KRT222: variants seen among roughly 807,000 people sequenced by gnomAD.
KRT222 encodes the protein keratin-like protein KRT222.
In KRT222, 23 loss-of-function variants were observed where a neutral mutation model predicts 35.0. That is an observed-to-expected ratio of 0.66 (90% CI 0.47 to 0.93). KRT222 has a LOEUF of 0.93. Ranked by LOEUF, KRT222 falls within the 40% of genes least tolerant of loss-of-function variation. KRT222 has a pLI of 0.00. For missense variants in KRT222, 339 were observed against 346.3 expected (o/e 0.98, Z 0.17); for synonymous variants, 108 against 118.8 (o/e 0.91, Z 0.59).
Position 40,656,222 on chromosome 17 carries a change from C to T in KRT222, c.*180G>A. On this transcript the variant is annotated 3_prime_UTR_variant, in exon 6 of 6. Transcript: ENST00000394052. ...TTCATATATATATATATATGTCTATCTCCATAATTAGATTCAGAGAAATGT... is the reference window on the plus strand; with the variant it reads ...TTCATATATATATATATATGTCTATTTCCATAATTAGATTCAGAGAAATGT... 1 of 551,534 alleles carries T rather than the reference C, an allele frequency of 1.8e-6. No homozygotes were observed. The highest frequency in any genetic ancestry group is 2.6e-5 in the South Asian group (1 of 38,442). The allele number at this position is 551,534 out of a possible 1,614,324, so 34.2% of individuals were successfully genotyped here.
chr17:40,661,746 C>T lies in KRT222; in HGVS notation c.225+170G>A, dbSNP rs2037385138. Among the ~76,000 whole-genome samples the T allele has an allele frequency of 2.0e-5, 3 of 152,214 alleles. No homozygotes were observed. In the South Asian group the frequency reaches 6.2e-4, roughly 31 times the overall value. On this transcript the variant is annotated intron_variant, in intron 2 of 5. Coordinates refer to ENST00000394052, the MANE Select transcript of KRT222 (RefSeq NM_152349.3). ...ACCTTGAGTGAGTTGGTAACAGCCACTGCCACAATGGAGGGAGGGGTGAGT... is the reference window on the plus strand; with the variant it reads ...ACCTTGAGTGAGTTGGTAACAGCCATTGCCACAATGGAGGGAGGGGTGAGT...
chr17:40,662,237 T>A (rs2037388650), intron 1 of KRT222, 193 bp from the exon 2 acceptor site: 3 of 540,330 alleles, frequency 5.6e-6, no homozygotes, highest in Non-Finnish European at 9.4e-6. Flanking sequence ...TCTTAGCCCG[T>A]TTTCTCCTAT....
rs776789479 is a variant in KRT222, at chr17:40,656,524, C to T, written c.766G>A (p.Ala256Thr). 6.2e-7 allele frequency: 1 copy of T among 1,613,032 alleles called. No homozygotes were observed. The highest frequency in any genetic ancestry group is 8.5e-7 in the Non-Finnish European group (1 of 1,179,134). ...TCTAAACACCCTTCATCAGTGGCTGCTAAATGAAGATCAAATCGAAGAGAA... is the reference window on the plus strand; with the variant it reads ...TCTAAACACCCTTCATCAGTGGCTGTTAAATGAAGATCAAATCGAAGAGAA... ...SVSLRFDLHL[A>T]ATDEGCLETK... Residue 256 changes from alanine to threonine, a missense_variant, in exon 6 of 6, where the codon GCA (alanine) becomes ACA (threonine). Ala to Thr is a moderately conservative substitution (Grantham distance 58). Transcript: ENST00000394052.
chr17:40,661,932 T>C lies in KRT222; in HGVS notation c.209A>G (p.Glu70Gly), dbSNP rs746844798. The C allele has an allele frequency of 6.2e-7, 1 of 1,614,200 alleles. No individual in the cohort carries two copies. Among genetic ancestry groups the C allele is most frequent in the Non-Finnish European group, 8.5e-7 (1 of 1,180,026 alleles). ...RQWHHLQVEI[E>G]SLHAVERGLE... Reference sequence around the variant, plus strand: ...CATTCTCACCACAGCATGGAGAGATTCAATTTCCACTTGCAGGTGGTGCCA... The same window carrying C: ...CATTCTCACCACAGCATGGAGAGATCCAATTTCCACTTGCAGGTGGTGCCA... Residue 70 changes from glutamate to glycine, a missense_variant, in exon 2 of 6, where the codon GAA becomes GGA. Physicochemically the swap from Glu to Gly is moderately conservative, Grantham distance 98. Transcript: ENST00000394052.
intron 1 of KRT222, 83 bp downstream of exon 1, chr17:40,664,921 C>T (rs1327079853): frequency 2.1e-5 from 33 of 1,601,588 alleles, no homozygotes; most frequent in Non-Finnish European, 2.8e-5. Flanking sequence ...AAATACTGTA[C>T]CTCAGAGAGG....
Position 40,660,037 on chromosome 17 carries a change from C to T in KRT222, c.396G>A (p.Leu132=), listed in dbSNP as rs765435302. 1.2e-6 allele frequency: 2 copies of T among 1,613,932 alleles called. No individual in the cohort carries two copies. The highest frequency in any genetic ancestry group is 1.3e-5 in the African/African-American group (1 of 74,882). Residue 132 remains leucine (L), a synonymous_variant, in exon 3 of 6, where the codon CTG becomes CTA. Transcript: ENST00000394052. ...GGCGATAAGTTGCTATTTCTTGTTCCAGCCTCATCTTCGTGTTGAGAAGCA... is the reference window on the plus strand; with the variant it reads ...GGCGATAAGTTGCTATTTCTTGTTCTAGCCTCATCTTCGTGTTGAGAAGCA... ...HEMLLNTKMR[L]EQEIATYRHL...
In KRT222 at chr17:40,659,976, G is replaced by T; in HGVS notation, c.446+11C>A. 1 of 1,607,582 alleles carries T rather than the reference G, an allele frequency of 6.2e-7. No individual in the cohort carries two copies. The highest frequency in any genetic ancestry group is 1.1e-5 in the South Asian group (1 of 90,940). The stretch of plus-strand genomic sequence containing the variant: ...CTGGCCCCTTGTCATTAACTAAATG[G>T]ATTTAGGTACCTGATTTCTTCTTTT... On this transcript the variant is annotated intron_variant, in intron 3 of 5. Transcript: ENST00000394052.
In KRT222 at chr17:40,657,381, C is replaced by T. The variant is rs1332796273; in HGVS notation, c.630G>A (p.Lys210=). 6.2e-7 allele frequency: 1 copy of T among 1,609,414 alleles called. No individual in the cohort carries two copies. Among genetic ancestry groups the T allele is most frequent in the Non-Finnish European group, 8.5e-7 (1 of 1,178,178 alleles). Residue 210 remains lysine (K), a synonymous_variant, in exon 5 of 6, where the codon AAG becomes AAA. Coordinates refer to ENST00000394052, the MANE Select transcript of KRT222 (RefSeq NM_152349.3). ...KQAILNGSIV[K]ESTEAHGTIQ... ...TAGTGCCATGAGCTTCAGTGCTCTCCTTAACGATACTCCCATTTAAGATTG... is the reference window on the plus strand; with the variant it reads ...TAGTGCCATGAGCTTCAGTGCTCTCTTTAACGATACTCCCATTTAAGATTG...
At chr17:40,661,768 G>A in intron 2 of KRT222, 148 bp downstream of exon 2, 2 of 954,818 alleles carry the variant, frequency 2.1e-6, no homozygotes, top group South Asian at 1.8e-5. Context: ...AGGGAGGGGT[G>A]AGTAATTAAA....
chr17:40,661,637 G>A (rs1357919077), intron 2 of KRT222, among the ~76,000 whole-genome samples: 2 of 152,118 alleles, frequency 1.3e-5, no homozygotes, highest in Non-Finnish European at 2.9e-5. Flanking sequence ...GGATAATAAC[G>A]AATGCTCTAT....
Position 40,655,104 on chromosome 17 carries a change from G to A in KRT222, c.*1298C>T, listed in dbSNP as rs1277518980. On this transcript the variant is annotated 3_prime_UTR_variant, in exon 6 of 6. Coordinates refer to ENST00000394052, the MANE Select transcript of KRT222 (RefSeq NM_152349.3). Reference sequence around the variant, plus strand: ...ATATGGAGAGAGAGATAGAGGAGAAGAGAGAGGAGAGAGAGAGAGAAATAT... The same window carrying A: ...ATATGGAGAGAGAGATAGAGGAGAAAAGAGAGGAGAGAGAGAGAGAAATAT... The A allele has an allele frequency of 6.7e-6, 1 of 148,162 alleles. No homozygotes were observed. The highest frequency in any genetic ancestry group is 2.5e-5 in the African/African-American group (1 of 40,658). 9.2% of individuals were successfully genotyped at this position (148,162 alleles called of 1,614,324 possible). A position where few individuals can be genotyped will look rare whatever the true frequency, so the allele number is the denominator to read the frequency against.
At chr17:40,657,173 C>T (rs2037350594) in intron 5 of KRT222, 179 bp downstream of exon 5, 1 of 377,458 alleles carries the variant, frequency 2.6e-6, no homozygotes. Flanking sequence ...GATCGCGCCA[C>T]TGCACTCCAC....
chr17:40,659,219 A>G (rs1597757153), intron 3 of KRT222, among the ~76,000 whole-genome samples: 1 of 149,078 alleles, frequency 6.7e-6, no homozygotes, highest in East Asian at 2.0e-4. Context: ...GCAGTGGCGC[A>G]GTCTCGGCTC....
chr17:40,665,096 C>G lies in KRT222; in HGVS notation c.4G>C (p.Glu2Gln). 1 of 1,613,742 alleles carries G rather than the reference C, an allele frequency of 6.2e-7. No homozygotes were observed. The part of the protein sequence containing the change: M[E>Q]LSQLLNEIRA... ...ATCTCATTGAGTAGCTGGGACAGTT[C>G]CATTCTTTTCCCATCCTCCACCTTG... Residue 2 changes from glutamate to glutamine, a missense_variant, in exon 1 of 6, where the codon GAA becomes CAA. Transcript: ENST00000394052.
chr17:40,657,647 AT>A lies in KRT222; in HGVS notation c.523+26del, dbSNP rs774449200. 3.2e-6 allele frequency: 5 copies of A among 1,586,296 alleles called. No homozygotes were observed. In the Admixed American group the frequency reaches 5.1e-5, roughly 16 times the overall value. ...CTGTAAATAGTACATCACTTTTCAA[AT>A]GAGTTTATTTATGTCAGAAACTCAC... On this transcript the variant is annotated intron_variant, in intron 4 of 5. Transcript: ENST00000394052.
rs1042434529 is a variant in KRT222 at position 40,654,860 on chromosome 17, A to T, written c.*1542T>A. On this transcript the variant is annotated 3_prime_UTR_variant, in exon 6 of 6. Transcript: ENST00000394052. ...AAGAATAAGCACTTAACATGCTGTT[A>T]TATCCTTGACAAAACAAAATCATCC... is the stretch of plus-strand genomic sequence containing the variant. The T allele has an allele frequency of 6.6e-6, 1 of 151,804 alleles. No homozygotes were observed. The highest frequency in any genetic ancestry group is 1.5e-5 in the Non-Finnish European group (1 of 67,928). The allele number at this position is 151,804 out of a possible 1,614,324, so 9.4% of individuals were successfully genotyped here.
intron 1 of KRT222, among the ~76,000 whole-genome samples, chr17:40,663,099 C>A (rs2037395866): frequency 2.0e-5 from 3 of 152,122 alleles, no homozygotes; most frequent in Admixed American, 2.0e-4. Context: ...GCAACACCTA[C>A]CAGAGCAACT....
chr17:40,664,952 A>G (rs954867986), intron 1 of KRT222, 52 bp downstream of exon 1: 3 of 1,612,294 alleles, frequency 1.9e-6, no homozygotes, highest in African/African-American at 2.7e-5. Context: ...AATTGGGTAG[A>G]CATGGACTGT....
rs2037371863 is a variant in KRT222, at chr17:40,660,082, C to T, written c.351G>A (p.Lys117=). Residue 117 remains lysine (K), a synonymous_variant, in exon 3 of 6, where the codon AAG becomes AAA. Transcript: ENST00000394052. The part of the protein sequence containing the change: ...ELQEVRRGIE[K]QLQEHEMLLN... ...GAAGCATCTCGTGCTCTTGAAGCTGCTTTTCGATGCCGCGCCTTACTTCCT... is the reference window on the plus strand; with the variant it reads ...GAAGCATCTCGTGCTCTTGAAGCTGTTTTTCGATGCCGCGCCTTACTTCCT... 1.2e-6 allele frequency: 2 copies of T among 1,613,998 alleles called. No homozygotes were observed. The highest frequency in any genetic ancestry group is 3.3e-5 in the Admixed American group (2 of 59,998).
Sources: allele counts gnomAD v4.1 joint callset (sites outside exome capture counted in the v4.1 genomes callset), GRCh38; gene constraint gnomAD v4.1.1; transcripts MANE v1.5; gene names NCBI Gene and HGNC (gene_info 2026-07-23, HGNC 2026-07-21).